The following DCC variants were observed in gnomAD, a reference collection of about 807,000 sequenced individuals.
The protein encoded by DCC is netrin receptor DCC.
A neutral mutation model predicts 172.5 loss-of-function variants in DCC; 58 were observed. That is an observed-to-expected ratio of 0.34 (90% CI 0.27 to 0.42). The LOEUF is 0.42. DCC is among the 10% of genes least tolerant of loss of function. The pLI is 1.00. For synonymous variants in DCC, 709 were observed against 644.5 expected (o/e 1.10, Z -1.52); for missense variants, 1,740 against 1,791.0 (o/e 0.97, Z 0.51).
intron 1 of DCC, among the ~76,000 whole-genome samples, chr18:52,566,287 T>C (rs1255417655): frequency 6.6e-6 from 1 of 152,086 alleles, no homozygotes; most frequent in Non-Finnish European, 1.5e-5. Context: ...ACACCATGTG[T>C]TCTCATTCGT....
At chr18:52,580,815 A>G (rs1468734043) in intron 1 of DCC, among the ~76,000 whole-genome samples, 1 of 152,210 alleles carries the variant, frequency 6.6e-6, no homozygotes, top group African/African-American at 2.4e-5. Flanking sequence ...GGCTATGACT[A>G]TCCCCATTTT....
chr18:52,923,465 C>T lies in DCC; in HGVS notation c.698-242C>T, dbSNP rs142578401. 4.6e-5 allele frequency among the ~76,000 whole-genome samples: 7 copies of T among 152,124 alleles called. No individual in the cohort carries two copies. The East Asian group carries it at 7.7e-4, about 17-fold the overall frequency. ...ACAATTCCTGCTTACTTATGGGTAG[C>T]CTCAGATACATGAATAGCCTCAAGC... On this transcript the variant is annotated intron_variant, in intron 3 of 28. Coordinates refer to ENST00000442544, the MANE Select transcript of DCC (RefSeq NM_005215.4).
intron 1 of DCC, among the ~76,000 whole-genome samples, chr18:52,425,629 A>G (rs1300906558): frequency 2.0e-5 from 3 of 152,164 alleles, no homozygotes; most frequent in African/African-American, 7.2e-5. Context: ...TTGTGACTAC[A>G]GTCAGCAGGG....
Position 52,909,058 on chromosome 18 carries a change from G to T in DCC, c.697+2730G>T, listed in dbSNP as rs535858606. 2.6e-5 allele frequency among the ~76,000 whole-genome samples: 4 copies of T among 152,084 alleles called. No individual in the cohort carries two copies. The South Asian group carries it at 6.2e-4, about 24-fold the overall frequency. On this transcript the variant is annotated intron_variant, in intron 3 of 28. Coordinates refer to ENST00000442544, the MANE Select transcript of DCC (RefSeq NM_005215.4). ...GTTTAGAGGTCAAATTCACAGATGC[G>T]CAATAAGTACAAGATTGAGTGAGTG...
At chr18:52,659,905 A>C (rs2035324533) in intron 1 of DCC, among the ~76,000 whole-genome samples, 1 of 152,082 alleles carries the variant, frequency 6.6e-6, no homozygotes, top group African/African-American at 2.4e-5. Flanking sequence ...TAGAAAATTA[A>C]TTGGGTATTT....
chr18:52,642,724 C>T (rs1360391082), intron 1 of DCC, among the ~76,000 whole-genome samples: 1 of 152,098 alleles, frequency 6.6e-6, no homozygotes, highest in African/African-American at 2.4e-5. Context: ...AGTGCAATGG[C>T]ACAATCATAG....
At chr18:53,493,163 C>T (rs2045978387) in intron 26 of DCC, among the ~76,000 whole-genome samples, 1 of 152,160 alleles carries the variant, frequency 6.6e-6, no homozygotes, top group Non-Finnish European at 1.5e-5. Context: ...GTGATTTTTG[C>T]ACACTGATTT....
At chr18:53,221,876 T>C (rs1448389561) in intron 12 of DCC, among the ~76,000 whole-genome samples, 2 of 152,216 alleles carry the variant, frequency 1.3e-5, no homozygotes, top group Admixed American at 6.5e-5. Context: ...AGAATACTTC[T>C]GTTCCAAAAT....
chr18:53,368,646 A>G (rs1389403765), intron 15 of DCC, among the ~76,000 whole-genome samples: 5 of 152,026 alleles, frequency 3.3e-5, no homozygotes, highest in African/African-American at 4.8e-5. Context: ...TCCAACTTCA[A>G]CCATTTGCAT....
chr18:52,584,311 G>A (rs2033620905), intron 1 of DCC, among the ~76,000 whole-genome samples: 4 of 152,178 alleles, frequency 2.6e-5, no homozygotes, highest in African/African-American at 9.7e-5. Flanking sequence ...CCTATCTTGG[G>A]AAGACTGCTC....
chr18:53,296,675 G>A (rs1437315900), intron 12 of DCC, among the ~76,000 whole-genome samples: 7 of 152,134 alleles, frequency 4.6e-5, no homozygotes, highest in African/African-American at 1.7e-4. Flanking sequence ...GGGACTCAGT[G>A]AAAATAAATT....
intron 7 of DCC, among the ~76,000 whole-genome samples, chr18:53,075,562 A>G (rs1187415616): frequency 3.4e-5 from 4 of 117,122 alleles, no homozygotes; most frequent in Admixed American, 8.9e-5. Flanking sequence ...TTTTTTTTTT[A>G]GCTCTCTAGA....
chr18:53,480,698 C>T (rs2045821174), intron 25 of DCC: 1 of 152,096 alleles, frequency 6.6e-6, no homozygotes, highest in Non-Finnish European at 1.5e-5. Context: ...TGGATGATCT[C>T]TTAAATCCTC....
At chr18:52,756,869 G>T (rs908768366) in intron 2 of DCC, 1 of 152,038 alleles carries the variant, frequency 6.6e-6, no homozygotes, top group African/African-American at 2.4e-5. Context: ...AGTATAAATA[G>T]AACTAACAAT....
intron 1 of DCC, among the ~76,000 whole-genome samples, chr18:52,526,406 G>T (rs1227197999): frequency 6.6e-6 from 1 of 152,014 alleles, no homozygotes. Flanking sequence ...CAAAGGCAAG[G>T]TCTTCAGACA....
rs1449819321 is a variant in DCC at position 52,610,166 on chromosome 18, AAAAAAAAAAAAAATATATATATATATAT to A, written c.92-141886_92-141859del. On this transcript the variant is annotated intron_variant, in intron 1 of 28. Transcript: ENST00000442544. Reference sequence around the variant, plus strand: ...CCATCTCTCATAAAAAAAAAAAAAAAAAAAAAAAAAAAATATATATATATATATATATATATATATATATATATATATA... The same window carrying A: ...CCATCTCTCATAAAAAAAAAAAAAAAATATATATATATATATATATATATA... 3.2e-4 allele frequency among the ~76,000 whole-genome samples: 8 copies of A among 25,264 alleles called. 1 individual carries two copies. In the South Asian group the frequency reaches 4.1e-3, roughly 13 times the overall value. The allele number at this position is 25,264 out of a possible 152,430, so 16.6% of individuals were successfully genotyped here.
In DCC at chr18:53,306,875, A is replaced by G. The variant is rs549155817; in HGVS notation, c.2053+1156A>G. 1.6e-4 allele frequency among the ~76,000 whole-genome samples: 24 copies of G among 152,334 alleles called. No homozygotes were observed. In the East Asian group the frequency reaches 3.7e-3, roughly 23 times the overall value. On this transcript the variant is annotated intron_variant, in intron 13 of 28. Coordinates refer to ENST00000442544, the MANE Select transcript of DCC (RefSeq NM_005215.4). ...AAGTTGAGCGACTCTGAAGTGGCAC[A>G]TAAACTGGGTCAGGACAACATACAA...
intron 5 of DCC, among the ~76,000 whole-genome samples, chr18:53,011,866 A>C (rs2041735647): frequency 6.6e-6 from 1 of 151,840 alleles, no homozygotes; most frequent in African/African-American, 2.4e-5. Flanking sequence ...TGATTATATA[A>C]GCTATAACTT....
intron 23 of DCC, among the ~76,000 whole-genome samples, chr18:53,455,906 C>A (rs1286850268): frequency 6.6e-6 from 1 of 152,156 alleles, no homozygotes; most frequent in Non-Finnish European, 1.5e-5. Flanking sequence ...GTACTTAGCA[C>A]ATTTCTTGAC....
Sources: gnomAD v4.1 joint callset for allele counts (sites outside exome capture counted in the v4.1 genomes callset) on GRCh38, gnomAD v4.1.1 for gene constraint, MANE v1.5 for transcripts, NCBI Gene and HGNC (gene_info 2026-07-23, HGNC 2026-07-21) for gene names.